The following ABCA12 variants were observed in gnomAD, a reference collection of about 807,000 sequenced individuals.
ABCA12 encodes the protein ATP binding cassette subfamily A member 12, also known as glucosylceramide transporter ABCA12.
In ABCA12, 156 loss-of-function variants were observed where a neutral mutation model predicts 293.5. The observed-to-expected ratio is 0.53, with a 90% CI of 0.47 to 0.61. The LOEUF (loss-of-function observed/expected upper bound fraction) is 0.61. ABCA12 is among the 20% of genes least tolerant of loss of function. ABCA12 has a pLI of 0.00. For missense variants in ABCA12, 2,797 were observed against 3,090.2 expected (o/e 0.91, Z 2.25); for synonymous variants, 1,063 against 1,108.0 (o/e 0.96, Z 0.81).
intron 35 of ABCA12, 88 bp from the exon 36 acceptor site, chr2:214,974,130 T>G: frequency 8.6e-7 from 1 of 1,164,146 alleles, no homozygotes; most frequent in East Asian, 2.4e-5. Context: ...TATTTGGTAT[T>G]AAGTTCATGT....
chr2:215,115,295 G>T (rs16853387), intron 1 of ABCA12, among the ~76,000 whole-genome samples: 6,566 of 152,202 alleles, frequency 0.043, 188 homozygotes, highest in African/African-American at 0.066. Context: ...AAGGTTGACA[G>T]GTTAATCACA....
At chr2:215,016,425 T>C (rs1574985646) in intron 14 of ABCA12, among the ~76,000 whole-genome samples, 1 of 149,134 alleles carries the variant, frequency 6.7e-6, no homozygotes, top group East Asian at 2.0e-4. Context: ...CTACTAAAAA[T>C]ACAAAAAATT....
At chr2:214,964,306 G>A (rs1699198614) in intron 39 of ABCA12, among the ~76,000 whole-genome samples, 1 of 152,100 alleles carries the variant, frequency 6.6e-6, no homozygotes, top group South Asian at 2.1e-4. Flanking sequence ...CATTCCCCCT[G>A]AAAACTGGCA....
intron 7 of ABCA12, among the ~76,000 whole-genome samples, chr2:215,039,835 A>G (rs1394473488): frequency 6.6e-6 from 1 of 152,066 alleles, no homozygotes; most frequent in Non-Finnish European, 1.5e-5. Flanking sequence ...TTAACTCCAT[A>G]CATCCAAAAT....
chr2:214,983,692 T>C lies in ABCA12; in HGVS notation c.4337A>G (p.Lys1446Arg), dbSNP rs1254400144. ...KEHLLLYGSI[K>R]VPHWTKKQLH... The stretch of plus-strand genomic sequence containing the variant: ...CTGCTTTTTAGTCCAGTGAGGAACT[T>C]TGATGGAACCATATAGGAGAAGGTG... Residue 1446 changes from lysine (K) to arginine (R), a missense_variant, in exon 29 of 53, where the codon AAA becomes AGA. Physicochemically the swap from Lys to Arg is conservative, Grantham distance 26. This residue lies in a region of ABCA12 where 2,130 missense variants were observed against 2,427.0 expected (regional missense o/e 0.88). Coordinates refer to ENST00000272895, the MANE Select transcript of ABCA12 (RefSeq NM_173076.3). The C allele has an allele frequency of 1.1e-5, 18 of 1,613,980 alleles. No individual in the cohort carries two copies. Among genetic ancestry groups the C allele is most frequent in the South Asian group, 2.2e-5 (2 of 91,090 alleles).
chr2:215,057,964 TA>T (rs1701452331), intron 3 of ABCA12, among the ~76,000 whole-genome samples: 2 of 151,884 alleles, frequency 1.3e-5, no homozygotes, highest in African/African-American at 4.8e-5. Context: ...AATGGGCAAG[TA>T]AAATAAGAAA....
At position 215,086,637 on chromosome 2, in the gene ABCA12, G is replaced by A. The variant is rs113084041; in HGVS notation, c.164-22418C>T. ...TCAGCCTTGTGTCCCATCACTCACCGTATGATTCTGGAGCTAATGCCCACT... is the reference window on the plus strand; with the variant it reads ...TCAGCCTTGTGTCCCATCACTCACCATATGATTCTGGAGCTAATGCCCACT... On this transcript the variant is annotated intron_variant, in intron 2 of 52. Transcript: ENST00000272895. Among the ~76,000 whole-genome samples the A allele has an allele frequency of 1.1e-4, 16 of 152,238 alleles. No homozygotes were observed. The East Asian group carries it at 1.2e-3, about 11-fold the overall frequency.
intron 18 of ABCA12, among the ~76,000 whole-genome samples, chr2:215,008,583 G>T (rs1345255648): frequency 6.6e-6 from 1 of 151,904 alleles, no homozygotes; most frequent in Non-Finnish European, 1.5e-5. Context: ...ATATAAAAAA[G>T]GATTAAAATG....
intron 23 of ABCA12, among the ~76,000 whole-genome samples, chr2:214,996,623 T>G (rs1162123736): frequency 2.0e-5 from 3 of 152,106 alleles, no homozygotes. Flanking sequence ...GATGAGAAGT[T>G]TACCAAATTA....
intron 39 of ABCA12, 73 bp downstream of exon 39, chr2:214,966,775 G>C: frequency 3.7e-6 from 5 of 1,366,092 alleles, no homozygotes; most frequent in Non-Finnish European, 4.2e-6. Flanking sequence ...GAAGAAACAG[G>C]ATATAAAGTG....
chr2:215,055,785 A>T (rs958446319), intron 3 of ABCA12, among the ~76,000 whole-genome samples: 2 of 151,922 alleles, frequency 1.3e-5, no homozygotes, highest in Non-Finnish European at 2.9e-5. Flanking sequence ...TTTGCTCCAA[A>T]AGTTCTGCAT....
At chr2:215,045,622 C>T (rs982026892) in intron 7 of ABCA12, among the ~76,000 whole-genome samples, 8 of 152,140 alleles carry the variant, frequency 5.3e-5, no homozygotes, top group African/African-American at 2.4e-5. Context: ...ATCAGTTCCT[C>T]GTGGATGCTT....
intron 39 of ABCA12, among the ~76,000 whole-genome samples, chr2:214,964,157 G>T (rs1339155535): frequency 1.3e-5 from 2 of 152,108 alleles, no homozygotes. Flanking sequence ...CATAGACGCG[G>T]ATAAGGCATT....
chr2:215,049,991 T>C (rs1226550883), intron 5 of ABCA12, among the ~76,000 whole-genome samples, 180 bp from the exon 6 acceptor site: 1 of 152,150 alleles, frequency 6.6e-6, no homozygotes, highest in East Asian at 1.9e-4. Context: ...GTAGAGCGAA[T>C]GCATGAATGT....
chr2:215,064,075 A>C lies in ABCA12; in HGVS notation c.308T>G (p.Phe103Cys). The C allele has an allele frequency of 1.2e-6, 2 of 1,612,776 alleles. No individual in the cohort carries two copies. The highest frequency in any genetic ancestry group is 1.1e-5 in the South Asian group (1 of 91,070). ...LRRKGIDDALFKDSEILRKSS... is the reference protein window; with the variant it reads ...LRRKGIDDALCKDSEILRKSS... ...TGAGAAGTGCCCCCACCTGTCTTTA[A>C]ATAGTGCATCATCAATTCCTTTCCT... The change falls in exon 3 of 53, where the codon TTT (phenylalanine) becomes TGT (cysteine). Residue 103 changes from phenylalanine (F) to cysteine (C), a missense_variant. Coordinates refer to ENST00000272895, the MANE Select transcript of ABCA12 (RefSeq NM_173076.3).
chr2:215,050,650 C>T (rs1221883840), intron 5 of ABCA12: 1 of 331,852 alleles, frequency 3.0e-6, no homozygotes, highest in Non-Finnish European at 4.3e-6. Flanking sequence ...GTGTGTATTA[C>T]AAAACCTACA....
At chr2:215,092,927 T>C (rs1479091417) in intron 2 of ABCA12, among the ~76,000 whole-genome samples, 2 of 152,188 alleles carry the variant, frequency 1.3e-5, no homozygotes, top group Non-Finnish European at 2.9e-5. Flanking sequence ...GTCTCAGCAA[T>C]TTATCTGGGC....
chr2:215,045,641 T>C (rs1023127359), intron 7 of ABCA12, among the ~76,000 whole-genome samples, 196 bp downstream of exon 7: 2 of 152,180 alleles, frequency 1.3e-5, no homozygotes, highest in Admixed American at 6.6e-5. Flanking sequence ...TTCCATAACC[T>C]TGATGACCAC....
At chr2:215,078,207 G>T (rs992392810) in intron 2 of ABCA12, among the ~76,000 whole-genome samples, 2 of 152,134 alleles carry the variant, frequency 1.3e-5, no homozygotes, top group Non-Finnish European at 2.9e-5. Context: ...CTTTATTAGT[G>T]GTTCAGTCTT....
Sources: gnomAD v4.1 joint callset for allele counts (sites outside exome capture counted in the v4.1 genomes callset) on GRCh38, gnomAD v4.1.1 for gene constraint, gnomAD v4.1.1 regional missense constraint, MANE v1.5 for transcripts, NCBI Gene and HGNC (gene_info 2026-07-23, HGNC 2026-07-21) for gene names.